Variants in GUCA1C observed in about 807,000 individuals in gnomAD.
The protein encoded by GUCA1C is guanylyl cyclase-activating protein 3.
Under a neutral mutation model 16.2 loss-of-function variants are expected in GUCA1C, and 15 were observed. The ratio of observed to expected loss-of-function variants is 0.93; its 90% CI spans 0.62 to 1.43. The LOEUF (loss-of-function observed/expected upper bound fraction) is 1.43. GUCA1C is among the 40% of genes most tolerant of loss of function. The pLI is 0.00. For synonymous variants in GUCA1C, 78 were observed against 85.4 expected (o/e 0.91, Z 0.48); for missense variants, 275 against 244.8 (o/e 1.12, Z -0.82).
intron 1 of GUCA1C, among the ~76,000 whole-genome samples, chr3:108,936,241 G>A (rs1362495846): frequency 6.6e-6 from 1 of 152,010 alleles, no homozygotes; most frequent in Non-Finnish European, 1.5e-5. Flanking sequence ...CAGCCTGGGT[G>A]ACAGAGTGAG....
chr3:108,921,616 T>A (rs976901667), intron 1 of GUCA1C, among the ~76,000 whole-genome samples: 12 of 152,238 alleles, frequency 7.9e-5, no homozygotes, highest in African/African-American at 2.7e-4. Context: ...TTTAGTGTTC[T>A]GGATTTTGGC....
chr3:108,919,543 A>C (rs1242365187), intron 2 of GUCA1C, among the ~76,000 whole-genome samples: 1 of 152,182 alleles, frequency 6.6e-6, no homozygotes, highest in East Asian at 1.9e-4. Context: ...TATCGGTATT[A>C]TCCTACCCTT....
chr3:108,909,348 A>G (rs185339917), intron 3 of GUCA1C, among the ~76,000 whole-genome samples: 1 of 152,342 alleles, frequency 6.6e-6, no homozygotes, highest in East Asian at 1.9e-4. Flanking sequence ...AAAAGGTACA[A>G]TCGTAGAATA....
intron 2 of GUCA1C, among the ~76,000 whole-genome samples, chr3:108,919,012 C>T (rs951701943): frequency 3.3e-5 from 5 of 152,092 alleles, no homozygotes; most frequent in Non-Finnish European, 7.4e-5. Context: ...CAAAGATCAG[C>T]TTTTAGCCTC....
At chr3:108,948,847 A>AT (rs36115653) in intron 1 of GUCA1C, among the ~76,000 whole-genome samples, 42,099 of 143,526 alleles carry the variant, frequency 0.29, 6,291 homozygotes, top group Middle Eastern at 0.38. Flanking sequence ...AGATCTGGGA[A>AT]TTTTTTTTTT....
At chr3:108,910,517 T>C (rs1946440760) in intron 3 of GUCA1C, among the ~76,000 whole-genome samples, 1 of 151,376 alleles carries the variant, frequency 6.6e-6, no homozygotes, top group Admixed American at 6.6e-5. Flanking sequence ...AGGCAAAGAT[T>C]CTACCAGCAA....
intron 1 of GUCA1C, among the ~76,000 whole-genome samples, chr3:108,922,011 A>G (rs1194766935): frequency 1.3e-5 from 2 of 152,162 alleles, no homozygotes; most frequent in African/African-American, 4.8e-5. Context: ...CATATGAGTG[A>G]GAACAGACAT....
At chr3:108,929,922 A>G (rs1326428969) in intron 1 of GUCA1C, among the ~76,000 whole-genome samples, 1 of 152,322 alleles carries the variant, frequency 6.6e-6, no homozygotes, top group East Asian at 1.9e-4. Context: ...GCTCTTTTCT[A>G]TAAAGATTTT....
chr3:108,940,796 T>C (rs1402828008), intron 1 of GUCA1C, among the ~76,000 whole-genome samples: 4 of 152,214 alleles, frequency 2.6e-5, no homozygotes, highest in Non-Finnish European at 5.9e-5. Flanking sequence ...GTGGACTGGA[T>C]TGCACATTTT....
chr3:108,939,816 A>C (rs1465538829), intron 1 of GUCA1C, among the ~76,000 whole-genome samples: 1 of 152,150 alleles, frequency 6.6e-6, no homozygotes. Flanking sequence ...GTGTGGCTAC[A>C]CATTAGAATC....
chr3:108,947,665 A>G (rs1946855288), intron 1 of GUCA1C, among the ~76,000 whole-genome samples: 2 of 152,174 alleles, frequency 1.3e-5, no homozygotes, highest in African/African-American at 4.8e-5. Flanking sequence ...ATGTTGGAGT[A>G]TTTTTTCTTT....
At chr3:108,943,660 A>G (rs1234799110) in intron 1 of GUCA1C, among the ~76,000 whole-genome samples, 1 of 152,178 alleles carries the variant, frequency 6.6e-6, no homozygotes, top group East Asian at 1.9e-4. Flanking sequence ...AGGACTCAAA[A>G]TATAAATTTA....
At chr3:108,933,013 T>C (rs1404309005) in intron 1 of GUCA1C, among the ~76,000 whole-genome samples, 3 of 151,054 alleles carry the variant, frequency 2.0e-5, no homozygotes, top group Non-Finnish European at 4.4e-5. Context: ...CTGGAATACA[T>C]ATGAGTTGCA....
chr3:108,943,754 T>C (rs929300059), intron 1 of GUCA1C, among the ~76,000 whole-genome samples: 2 of 152,174 alleles, frequency 1.3e-5, no homozygotes, highest in Non-Finnish European at 2.9e-5. Context: ...AAATACATTT[T>C]AGTCTGTTAT....
chr3:108,940,629 A>C (rs3804734), intron 1 of GUCA1C, among the ~76,000 whole-genome samples: 18,051 of 152,320 alleles, frequency 0.12, 1,107 homozygotes, highest in Non-Finnish European at 0.13. Context: ...ATTAAAAACA[A>C]GAAATGGCAG....
At chr3:108,941,328 G>A (rs937897940) in intron 1 of GUCA1C, among the ~76,000 whole-genome samples, 3 of 152,184 alleles carry the variant, frequency 2.0e-5, no homozygotes, top group African/African-American at 4.8e-5. Flanking sequence ...TTTTCTGGGT[G>A]TTTTGTTTTA....
intron 1 of GUCA1C, among the ~76,000 whole-genome samples, chr3:108,937,536 T>C (rs1258380334): frequency 6.6e-6 from 1 of 152,244 alleles, no homozygotes; most frequent in East Asian, 1.9e-4. Context: ...TTAAGAATTT[T>C]AGTTCTAGAA....
intron 3 of GUCA1C, among the ~76,000 whole-genome samples, chr3:108,914,156 T>G (rs1463144899): frequency 1.3e-5 from 2 of 152,180 alleles, no homozygotes; most frequent in African/African-American, 4.8e-5. Context: ...CCATAATTCA[T>G]CTCCTTTTTT....
intron 1 of GUCA1C, among the ~76,000 whole-genome samples, chr3:108,950,893 T>A (rs972356983): frequency 3.3e-5 from 5 of 152,022 alleles, no homozygotes; most frequent in African/African-American, 1.2e-4. Flanking sequence ...CTCCAGAAAC[T>A]TCAATGGGAA....
Sources: gnomAD v4.1 joint callset for allele counts (sites outside exome capture counted in the v4.1 genomes callset) on GRCh38, gnomAD v4.1.1 for gene constraint, MANE v1.5 for transcripts, NCBI Gene and HGNC (gene_info 2026-07-23, HGNC 2026-07-21) for gene names.